The following CNKSR3 variants were observed in gnomAD, a reference collection of about 807,000 sequenced individuals.
CNKSR3 encodes the protein CNKSR family member 3, also known as connector enhancer of kinase suppressor of ras 3.
Under a neutral mutation model 67.7 loss-of-function variants are expected in CNKSR3, and 36 were observed. The ratio of observed to expected loss-of-function variants is 0.53; its 90% CI spans 0.41 to 0.70. The LOEUF (loss-of-function observed/expected upper bound fraction) is 0.70. Among genes scored for constraint, CNKSR3 ranks in the 30% least tolerant of loss-of-function variants. The pLI is 0.00. For missense variants in CNKSR3, 630 were observed against 695.2 expected, an observed-to-expected ratio of 0.91 and a Z score of 1.05; for synonymous variants, 281 against 271.4, an observed-to-expected ratio of 1.04 and a Z score of -0.35.
rs1290344264 is a variant in CNKSR3 at position 154,398,504 on chromosome 6, C to A, written c.*7850G>T. 1 of 152,220 alleles carries A rather than the reference C, an allele frequency of 6.6e-6. No homozygotes were observed. The highest frequency in any genetic ancestry group is 1.9e-4 in the East Asian group (1 of 5,198). 9.4% of individuals were successfully genotyped at this position (152,220 alleles called of 1,614,324 possible). ...TCCTTTTCAGCTTCAACAATGGCAACACAATCTCTTGGCTTTGTATTTGTG... is the reference window on the plus strand; with the variant it reads ...TCCTTTTCAGCTTCAACAATGGCAAAACAATCTCTTGGCTTTGTATTTGTG... On this transcript the variant is annotated 3_prime_UTR_variant, in exon 13 of 13. Transcript: ENST00000607772.
intron 1 of CNKSR3, among the ~76,000 whole-genome samples, chr6:154,452,346 G>C (rs998159000): frequency 6.6e-6 from 1 of 152,130 alleles, no homozygotes; most frequent in African/African-American, 2.4e-5. Context: ...TCAACAGTAA[G>C]GTCTAACAAC....
chr6:154,510,059 G>A lies in CNKSR3; in HGVS notation c.52+4C>T. 2 of 1,613,850 alleles carry A rather than the reference G, an allele frequency of 1.2e-6. No homozygotes were observed. The highest frequency in any genetic ancestry group is 1.7e-6 in the Non-Finnish European group (2 of 1,179,856). On this transcript the variant is annotated splice_donor_region_variant and intron_variant, in intron 1 of 12. Coordinates refer to ENST00000607772, the MANE Select transcript of CNKSR3 (RefSeq NM_173515.4). Reference sequence around the variant, plus strand: ...GACTCCGGACCCCCCCAAGGCCCGCGCACCTCTAGTCCAGTCCACCACTTG... The same window carrying A: ...GACTCCGGACCCCCCCAAGGCCCGCACACCTCTAGTCCAGTCCACCACTTG...
chr6:154,475,619 C>T (rs1786429627), intron 1 of CNKSR3, among the ~76,000 whole-genome samples: 2 of 152,172 alleles, frequency 1.3e-5, no homozygotes, highest in South Asian at 2.1e-4. Flanking sequence ...CCATCCAAGT[C>T]CCCCTGAAAG....
chr6:154,431,164 A>C (rs9479850), intron 5 of CNKSR3, among the ~76,000 whole-genome samples: 7,518 of 152,128 alleles, frequency 0.049, 221 homozygotes, highest in African/African-American at 0.082. Flanking sequence ...ACAAACTAGG[A>C]CGGGCACAGT....
chr6:154,492,835 C>T (rs1454091127), intron 1 of CNKSR3, among the ~76,000 whole-genome samples: 3 of 152,106 alleles, frequency 2.0e-5, no homozygotes, highest in African/African-American at 7.2e-5. Context: ...ACAACTCTAT[C>T]CTTCCAATTC....
chr6:154,485,330 G>T (rs1390931319), intron 1 of CNKSR3, among the ~76,000 whole-genome samples: 5 of 152,076 alleles, frequency 3.3e-5, no homozygotes, highest in Admixed American at 2.6e-4. Flanking sequence ...GTTTCTAAAG[G>T]GTTGGAAAGG....
rs1345594872 is a variant in CNKSR3 at position 154,388,046 on chromosome 6, T to C, written c.*18308A>G. ...CAGTAAGAACACAAGGTGAGATCTA[T>C]CTTAACAAATTGTTCAGTGTACACT... On this transcript the variant is annotated 3_prime_UTR_variant, in exon 13 of 13. Transcript: ENST00000607772. 6.6e-6 allele frequency: 1 copy of C among 152,122 alleles called. No homozygotes were observed. The highest frequency in any genetic ancestry group is 2.4e-5 in the African/African-American group (1 of 41,442). 9.4% of individuals were successfully genotyped at this position (152,122 alleles called of 1,614,324 possible).
chr6:154,450,277 A>C lies in CNKSR3; in HGVS notation c.53-19T>G. 1 of 1,611,872 alleles carries C rather than the reference A, an allele frequency of 6.2e-7. No homozygotes were observed. Among genetic ancestry groups the C allele is most frequent in the East Asian group, 2.2e-5 (1 of 44,832 alleles). ...TCCAACCCTGCCAAAAACAATCAGA[A>C]GTCCCATTATTGCCATTTTGTTCCT... On this transcript the variant is annotated intron_variant, in intron 1 of 12. Transcript: ENST00000607772.
intron 9 of CNKSR3, among the ~76,000 whole-genome samples, chr6:154,416,504 C>T (rs1244887230): frequency 6.6e-6 from 1 of 152,196 alleles, no homozygotes; most frequent in Non-Finnish European, 1.5e-5. Flanking sequence ...CAAAAGTAAA[C>T]TAGAACATTT....
chr6:154,465,891 T>G (rs1229983933), intron 1 of CNKSR3, among the ~76,000 whole-genome samples: 1 of 152,224 alleles, frequency 6.6e-6, no homozygotes, highest in Non-Finnish European at 1.5e-5. Context: ...AGGGGGATTC[T>G]GTATATTCTT....
chr6:154,476,580 G>A (rs1030464239), intron 1 of CNKSR3, among the ~76,000 whole-genome samples: 1 of 152,086 alleles, frequency 6.6e-6, no homozygotes, highest in African/African-American at 2.4e-5. Flanking sequence ...TCCAAAAGAG[G>A]AGCCAGTGTG....
chr6:154,503,754 TTATAAA>T (rs1787042382), intron 1 of CNKSR3, among the ~76,000 whole-genome samples: 2 of 152,166 alleles, frequency 1.3e-5, no homozygotes, highest in Non-Finnish European at 2.9e-5. Context: ...TAGGTGGTGC[TTATAAA>T]TATAAGCACA....
chr6:154,456,742 T>C (rs539234050), intron 1 of CNKSR3, among the ~76,000 whole-genome samples: 5 of 141,590 alleles, frequency 3.5e-5, no homozygotes, highest in South Asian at 4.4e-4. Flanking sequence ...AAAAGTGACA[T>C]GTGATGCAAA....
intron 1 of CNKSR3, among the ~76,000 whole-genome samples, chr6:154,456,578 G>GC (rs1785963013): frequency 6.6e-6 from 1 of 151,200 alleles, no homozygotes; most frequent in Non-Finnish European, 1.5e-5. Flanking sequence ...TTGGTGGTGG[G>GC]CCCCTGTATT....
intron 2 of CNKSR3, 22 bp from the exon 3 acceptor site, chr6:154,442,312 A>G (rs549443127): frequency 5.6e-6 from 9 of 1,603,736 alleles, no homozygotes; most frequent in East Asian, 4.5e-5. Flanking sequence ...AAAATCAAAG[A>G]GAAAAATTCA....
intron 7 of CNKSR3, among the ~76,000 whole-genome samples, chr6:154,426,243 G>A (rs1351593750): frequency 6.6e-6 from 1 of 152,190 alleles, no homozygotes; most frequent in African/African-American, 2.4e-5. Context: ...GAGTCTGTTA[G>A]CCAGTGTTAC....
chr6:154,412,692 G>A (rs1369545467), intron 10 of CNKSR3, among the ~76,000 whole-genome samples: 1 of 152,134 alleles, frequency 6.6e-6, no homozygotes, highest in Non-Finnish European at 1.5e-5. Flanking sequence ...AAACAATGTT[G>A]AATCTCTGCA....
intron 12 of CNKSR3, among the ~76,000 whole-genome samples, chr6:154,407,347 C>A (rs745934300): frequency 1.3e-5 from 2 of 152,148 alleles, no homozygotes; most frequent in Non-Finnish European, 2.9e-5. Context: ...CCAGCAGACC[C>A]CCTGGGATGT....
At chr6:154,413,418 A>G (rs1015496385) in intron 10 of CNKSR3, among the ~76,000 whole-genome samples, 7 of 152,090 alleles carry the variant, frequency 4.6e-5, no homozygotes, top group African/African-American at 1.7e-4. Flanking sequence ...TTTTGTAGAG[A>G]TGGGGCCTCA....
Sources: gnomAD v4.1 joint callset for allele counts (sites outside exome capture counted in the v4.1 genomes callset) on GRCh38, gnomAD v4.1.1 for gene constraint, MANE v1.5 for transcripts, NCBI Gene and HGNC (gene_info 2026-07-23, HGNC 2026-07-21) for gene names.